Variants in CHEK1 observed in about 807,000 individuals in gnomAD.
CHEK1 encodes the protein checkpoint kinase 1, also known as serine/threonine-protein kinase Chk1.
Under a neutral mutation model 60.2 loss-of-function variants are expected in CHEK1, and 32 were observed. The ratio of observed to expected loss-of-function variants is 0.53; its 90% CI spans 0.40 to 0.71. CHEK1 has a LOEUF of 0.71. Among genes scored for constraint, CHEK1 ranks in the 30% least tolerant of loss-of-function variants. The pLI, the probability that CHEK1 is intolerant of heterozygous loss-of-function variation, is 0.00. For missense variants in CHEK1, 399 were observed against 564.6 expected (o/e 0.71, Z 2.97); for synonymous variants, 179 against 187.2 (o/e 0.96, Z 0.36).
At chr11:125,651,084 A>G (rs1396694206) in intron 11 of CHEK1, among the ~76,000 whole-genome samples, 1 of 152,060 alleles carries the variant, frequency 6.6e-6, no homozygotes, top group African/African-American at 2.4e-5. Flanking sequence ...GGACCTTTTC[A>G]GAGTCCTATT....
chr11:125,648,003 G>T (rs897961683), intron 11 of CHEK1, among the ~76,000 whole-genome samples: 1 of 151,894 alleles, frequency 6.6e-6, no homozygotes, highest in Non-Finnish European at 1.5e-5. Flanking sequence ...ATAACATGGG[G>T]CCTTTTTTTT....
In CHEK1 at chr11:125,656,677, C is replaced by T. The variant is rs1441263637; in HGVS notation, c.*1357C>T. 9.3e-6 allele frequency: 2 copies of T among 215,284 alleles called. No homozygotes were observed. The highest frequency in any genetic ancestry group is 1.2e-4 in the Admixed American group (2 of 17,120). The allele number at this position is 215,284 out of a possible 1,614,324, so 13.3% of individuals were successfully genotyped here. A position where few individuals can be genotyped will look rare whatever the true frequency, so the allele number is the denominator to read the frequency against. Reference sequence around the variant, plus strand: ...TCTTCTGTAAGCTCTAACCTTTTACCTGCTTTACATTTCCACTTGAATGTC... The same window carrying T: ...TCTTCTGTAAGCTCTAACCTTTTACTTGCTTTACATTTCCACTTGAATGTC... On this transcript the variant is annotated 3_prime_UTR_variant, in exon 13 of 13. Coordinates refer to ENST00000438015, the MANE Select transcript of CHEK1 (RefSeq NM_001114122.3).
intron 8 of CHEK1, chr11:125,642,745 GA>G (rs1395636088): frequency 6.6e-6 from 1 of 152,194 alleles, no homozygotes; most frequent in African/African-American, 2.4e-5. Flanking sequence ...TGGAAGGGAT[GA>G]AAAGATGTAT....
In CHEK1 at chr11:125,656,801, A is replaced by G. The variant is rs144623058; in HGVS notation, c.*1481A>G. 1.9e-3 allele frequency: 397 copies of G among 213,656 alleles called. 1 individual carries two copies. The highest frequency in any genetic ancestry group is 2.9e-3 in the Non-Finnish European group (302 of 105,594). 13.2% of individuals were successfully genotyped at this position (213,656 alleles called of 1,614,324 possible). On this transcript the variant is annotated 3_prime_UTR_variant, in exon 13 of 13. Coordinates refer to ENST00000438015, the MANE Select transcript of CHEK1 (RefSeq NM_001114122.3). ...TCTCAGAAATGTTACTTCCTCTGCA[A>G]AGTCTTTCCCTGACTTATCTAAAAT...
chr11:125,660,262 T>A (rs1200144157), downstream of CHEK1, among the ~76,000 whole-genome samples: 1 of 152,250 alleles, frequency 6.6e-6, no homozygotes, highest in Non-Finnish European at 1.5e-5. Context: ...CTTCTGTATA[T>A]CTCCATGTAA....
Position 125,644,156 on chromosome 11 carries a change from C to T in CHEK1, c.989C>T (p.Thr330Ile). The stretch of plus-strand genomic sequence containing the variant: ...CGCACAGGTCTTTCCTTATGGGATA[C>T]CAGCCCCTCATACATTGATAAATTG... ...EPRTGLSLWDTSPSYIDKLVQ... is the reference protein window; with the variant it reads ...EPRTGLSLWDISPSYIDKLVQ... Residue 330 changes from threonine to isoleucine, a missense_variant, in exon 10 of 13, where the codon ACC (threonine) becomes ATC (isoleucine). Physicochemically the swap from Thr to Ile is moderately conservative, Grantham distance 89 (BLOSUM62 -1). Transcript: ENST00000438015. 1.2e-6 allele frequency: 2 copies of T among 1,614,106 alleles called. No homozygotes were observed. Among genetic ancestry groups the T allele is most frequent in the African/African-American group, 1.3e-5 (1 of 75,018 alleles).
At chr11:125,640,539 CAAA>C (rs35982773) in intron 8 of CHEK1, among the ~76,000 whole-genome samples, 4 of 100,236 alleles carry the variant, frequency 4.0e-5, no homozygotes. Flanking sequence ...GACTCCGTCT[CAAA>C]AAAAAAAAAA....
At chr11:125,626,088 A>T in intron 1 of CHEK1, 76 bp downstream of exon 1, 1 of 659,432 alleles carries the variant, frequency 1.5e-6, no homozygotes, top group Middle Eastern at 2.4e-4. Context: ...GAGGGAGGGC[A>T]TGGTGGGAGA....
intron 5 of CHEK1, among the ~76,000 whole-genome samples, chr11:125,629,953 G>C (rs999835117): frequency 6.6e-6 from 1 of 151,800 alleles, no homozygotes; most frequent in Non-Finnish European, 1.5e-5. Flanking sequence ...TGAACTCCTG[G>C]ACTCAAGCAG....
In CHEK1 at chr11:125,627,605, A is replaced by G. The variant is rs1314180672; in HGVS notation, c.66-2A>G. On this transcript the variant is annotated splice_acceptor_variant, in intron 2 of 12. Transcript: ENST00000438015. LOFTEE classifies it high-confidence loss of function. Reference sequence around the variant, plus strand: ...TAATGTTAAAACTCTTTTCCTTTTTAGAGTTCAACTTGCTGTGAATAGAGT... The same window carrying G: ...TAATGTTAAAACTCTTTTCCTTTTTGGAGTTCAACTTGCTGTGAATAGAGT... 6.2e-7 allele frequency: 1 copy of G among 1,602,120 alleles called. No individual in the cohort carries two copies. Among genetic ancestry groups the G allele is most frequent in the Non-Finnish European group, 8.5e-7 (1 of 1,176,250 alleles).
chr11:125,667,707 G>A (rs1002157317), intron 13 of CHEK1, among the ~76,000 whole-genome samples: 3 of 152,140 alleles, frequency 2.0e-5, no homozygotes, highest in African/African-American at 7.2e-5. Flanking sequence ...TGCAACCTCT[G>A]CCTCCTGGGT....
chr11:125,641,057 A>T (rs770011109), intron 8 of CHEK1, among the ~76,000 whole-genome samples: 8 of 151,624 alleles, frequency 5.3e-5, no homozygotes, highest in Non-Finnish European at 1.2e-4. Flanking sequence ...CCTGCTTGTA[A>T]CTCCCTTAGT....
At chr11:125,664,869 T>G (rs887040956) in intron 13 of CHEK1, among the ~76,000 whole-genome samples, 7 of 152,200 alleles carry the variant, frequency 4.6e-5, no homozygotes, top group Non-Finnish European at 1.0e-4. Flanking sequence ...CCTCTTAGTG[T>G]TTTCCAAATG....
chr11:125,657,312 GA>G (rs1941934341), downstream of CHEK1, among the ~76,000 whole-genome samples: 1 of 151,440 alleles, frequency 6.6e-6, no homozygotes, highest in South Asian at 2.1e-4. Context: ...TGGTTGTTGA[GA>G]TAAGCATAAT....
chr11:125,675,818 C>T (rs1402437264), intron 13 of CHEK1: 1 of 153,260 alleles, frequency 6.5e-6, no homozygotes, highest in Non-Finnish European at 1.5e-5. Context: ...CAGCTAGTCT[C>T]TCTGCCTTCT....
At chr11:125,676,922 C>G (rs1258337135), downstream of CHEK1, among the ~76,000 whole-genome samples, 3 of 150,712 alleles carry the variant, frequency 2.0e-5, no homozygotes, top group African/African-American at 7.4e-5. Context: ...ATTGCAAACC[C>G]TGTGAAGAGT....
At chr11:125,673,364 G>C (rs1942306043) in intron 13 of CHEK1, among the ~76,000 whole-genome samples, 1 of 151,816 alleles carries the variant, frequency 6.6e-6, no homozygotes, top group Non-Finnish European at 1.5e-5. Context: ...CACCACACCT[G>C]GCTAATTTTT....
At chr11:125,635,373 C>T in intron 6 of CHEK1, 56 bp from the exon 7 acceptor site, 12 of 1,059,776 alleles carry the variant, frequency 1.1e-5, no homozygotes, top group East Asian at 2.6e-5. Context: ...ATTATTTTTC[C>T]TTGAAATCTT....
At chr11:125,669,488 T>C (rs1406832345) in intron 13 of CHEK1, among the ~76,000 whole-genome samples, 1 of 151,666 alleles carries the variant, frequency 6.6e-6, no homozygotes, top group Non-Finnish European at 1.5e-5. Context: ...GCTTATTATG[T>C]GCCTAGGTAT....
Sources: allele counts gnomAD v4.1 joint callset (sites outside exome capture counted in the v4.1 genomes callset), GRCh38; gene constraint gnomAD v4.1.1; transcripts MANE v1.5; gene names NCBI Gene and HGNC (gene_info 2026-07-23, HGNC 2026-07-21).